Variants in UNC5C observed in about 807,000 individuals in gnomAD.
UNC5C encodes the protein unc-5 netrin receptor C, also known as netrin receptor UNC5C.
A neutral mutation model predicts 99.8 loss-of-function variants in UNC5C; 47 were observed. That is an observed-to-expected ratio of 0.47 (90% CI 0.37 to 0.60). UNC5C has a LOEUF of 0.60. UNC5C is among the 20% of genes least tolerant of loss of function. The pLI, the probability that UNC5C is intolerant of heterozygous loss-of-function variation, is 0.00. For synonymous variants in UNC5C, 487 were observed against 452.2 expected (o/e 1.08, Z -0.98); for missense variants, 1,062 against 1,165.9 (o/e 0.91, Z 1.30).
At position 95,535,233 on chromosome 4, in the gene UNC5C, C is replaced by T. The variant is rs578031387; in HGVS notation, c.124+13501G>A. Among the ~76,000 whole-genome samples, 22 of 142,638 alleles carry T rather than the reference C, an allele frequency of 1.5e-4. No individual in the cohort carries two copies. The East Asian group carries it at 4.3e-3, about 28-fold the overall frequency. 93.6% of individuals were successfully genotyped at this position (142,638 alleles called of 152,430 possible). A position where few individuals can be genotyped will look rare whatever the true frequency, so the allele number is the denominator to read the frequency against. ...TACTGTAAAATCAGAATCTCATAAC[C>T]TAACTGGGTACAAAAAATAATGTGA... On this transcript the variant is annotated intron_variant, in intron 1 of 15. Transcript: ENST00000453304.
chr4:95,266,205 AG>A (rs1223228355), intron 4 of UNC5C, among the ~76,000 whole-genome samples: 1 of 152,224 alleles, frequency 6.6e-6, no homozygotes, highest in Admixed American at 6.5e-5. Flanking sequence ...CAGTGAGGAA[AG>A]TGTCGTCTTA....
chr4:95,311,506 GCTTC>G (rs1387615694), intron 2 of UNC5C, among the ~76,000 whole-genome samples: 3 of 152,068 alleles, frequency 2.0e-5, no homozygotes, highest in African/African-American at 7.2e-5. Flanking sequence ...GCATGTCTTT[GCTTC>G]CTTGTTTCAG....
intron 1 of UNC5C, among the ~76,000 whole-genome samples, chr4:95,400,666 C>T (rs1469110217): frequency 6.6e-6 from 1 of 152,146 alleles, no homozygotes; most frequent in African/African-American, 2.4e-5. Context: ...GCTGGGATTA[C>T]AGGCGTGAGC....
intron 6 of UNC5C, 97 bp from the exon 7 acceptor site, chr4:95,242,690 A>C: frequency 7.7e-7 from 1 of 1,299,486 alleles, no homozygotes; most frequent in Non-Finnish European, 1.0e-6. Context: ...CAAAACAAGA[A>C]CAAGCATGCC....
At chr4:95,274,767 T>A (rs540045208) in intron 4 of UNC5C, among the ~76,000 whole-genome samples, 12 of 152,132 alleles carry the variant, frequency 7.9e-5, no homozygotes, top group African/African-American at 1.9e-4. Context: ...AGCTCACACC[T>A]GTAATCCCAG....
At chr4:95,192,303 TCTCACCTCCTCCCCTG>T (rs1165179377) in intron 12 of UNC5C, among the ~76,000 whole-genome samples, 35 of 83,260 alleles carry the variant, frequency 4.2e-4, no homozygotes, top group African/African-American at 6.6e-4. Context: ...CTCCTCCCCT[TCTCACCTCCTCCCCTG>T]CTCACCTCCT....
intron 7 of UNC5C, among the ~76,000 whole-genome samples, chr4:95,234,110 G>A (rs1215286024): frequency 6.6e-6 from 1 of 151,960 alleles, no homozygotes; most frequent in South Asian, 2.1e-4. Context: ...CCTGTTCTCT[G>A]TGTCTCTCTC....
intron 4 of UNC5C, among the ~76,000 whole-genome samples, chr4:95,277,617 T>C (rs1740909853): frequency 6.6e-6 from 1 of 152,232 alleles, no homozygotes; most frequent in Non-Finnish European, 1.5e-5. Context: ...AAGGACATGG[T>C]ATTGTGTGTT....
intron 1 of UNC5C, among the ~76,000 whole-genome samples, chr4:95,464,419 A>G (rs927713552): frequency 3.3e-5 from 5 of 152,192 alleles, no homozygotes. Context: ...GAGTCTGATT[A>G]GAGAAGTTTC....
chr4:95,411,135 C>G (rs116334327), intron 1 of UNC5C, among the ~76,000 whole-genome samples: 1 of 152,134 alleles, frequency 6.6e-6, no homozygotes, highest in African/African-American at 2.4e-5. Context: ...CACAGCCCCT[C>G]GGGACAAACC....
intron 1 of UNC5C, among the ~76,000 whole-genome samples, chr4:95,462,891 G>C (rs975686260): frequency 5.3e-5 from 8 of 152,158 alleles, no homozygotes; most frequent in Non-Finnish European, 1.2e-4. Context: ...ACAGTGAACA[G>C]TTAGGGGTCA....
At chr4:95,311,405 A>G (rs867102731) in intron 2 of UNC5C, among the ~76,000 whole-genome samples, 2 of 152,200 alleles carry the variant, frequency 1.3e-5, no homozygotes, top group Non-Finnish European at 2.9e-5. Context: ...TTTGTCCTAA[A>G]ACACCGAATA....
intron 1 of UNC5C, among the ~76,000 whole-genome samples, chr4:95,339,578 T>C (rs1234369091): frequency 2.0e-5 from 3 of 152,092 alleles, no homozygotes; most frequent in Non-Finnish European, 4.4e-5. Context: ...CTCTTACCAC[T>C]TTATTTTTTA....
rs184864018 is a variant in UNC5C at position 95,229,902 on chromosome 4, C to T, written c.1109-9726G>A. On this transcript the variant is annotated intron_variant, in intron 7 of 15. Transcript: ENST00000453304. ...CTTGGCTCACTGCAACCTGCACCTCCTGGGTTCAAGCGATTCTCCTGCCTC... is the reference window on the plus strand; with the variant it reads ...CTTGGCTCACTGCAACCTGCACCTCTTGGGTTCAAGCGATTCTCCTGCCTC... 2.9e-3 allele frequency among the ~76,000 whole-genome samples: 430 copies of T among 148,908 alleles called. 12 individuals carry two copies. The highest frequency in any genetic ancestry group is 0.023 in the Admixed American group (346 of 14,892).
intron 1 of UNC5C, among the ~76,000 whole-genome samples, chr4:95,505,957 G>GT (rs1039596058): frequency 5.9e-5 from 9 of 151,660 alleles, no homozygotes; most frequent in African/African-American, 9.7e-5. Context: ...ACTCTAAAGG[G>GT]TTTTTTTTAT....
chr4:95,246,845 A>C (rs143928178), intron 5 of UNC5C, among the ~76,000 whole-genome samples: 211 of 152,112 alleles, frequency 1.4e-3, no homozygotes, highest in Middle Eastern at 0.01. Flanking sequence ...AGATTGCTTG[A>C]GTCTAGGAGT....
At chr4:95,531,318 C>T (rs1722636026) in intron 1 of UNC5C, among the ~76,000 whole-genome samples, 1 of 152,172 alleles carries the variant, frequency 6.6e-6, no homozygotes, top group Non-Finnish European at 1.5e-5. Flanking sequence ...GGTCTGTCTC[C>T]TAACCACTTC....
At chr4:95,185,974 A>AGAT (rs1206509025) in intron 12 of UNC5C, among the ~76,000 whole-genome samples, 2 of 88,110 alleles carry the variant, frequency 2.3e-5, no homozygotes, top group African/African-American at 5.7e-5. Context: ...TATACTATAC[A>AGAT]GATACAACAT....
At chr4:95,389,981 G>T (rs1027575572) in intron 1 of UNC5C, among the ~76,000 whole-genome samples, 3 of 152,052 alleles carry the variant, frequency 2.0e-5, no homozygotes, top group Non-Finnish European at 4.4e-5. Flanking sequence ...ACAGCATTAC[G>T]CTAGAAAGTA....
Sources: gnomAD v4.1 joint callset for allele counts (sites outside exome capture counted in the v4.1 genomes callset) on GRCh38, gnomAD v4.1.1 for gene constraint, MANE v1.5 for transcripts, NCBI Gene and HGNC (gene_info 2026-07-23, HGNC 2026-07-21) for gene names.